Variants in ERAP1 observed in about 807,000 individuals in gnomAD.
ERAP1 encodes the protein endoplasmic reticulum aminopeptidase 1.
A neutral mutation model predicts 103.7 loss-of-function variants in ERAP1; 86 were observed. The ratio of observed to expected loss-of-function variants is 0.83; its 90% CI spans 0.70 to 0.99. The LOEUF is 0.99. Among genes scored for constraint, ERAP1 ranks in the 50% least tolerant of loss-of-function variants. The pLI is 0.00. For synonymous variants in ERAP1, 398 were observed against 402.4 expected (o/e 0.99, Z 0.13); for missense variants, 1,009 against 1,128.4 (o/e 0.89, Z 1.52).
chr5:96,807,672 G>C (rs1370204018), intron 1 of ERAP1, among the ~76,000 whole-genome samples, 188 bp downstream of exon 1: 1 of 148,942 alleles, frequency 6.7e-6, no homozygotes, highest in Admixed American at 6.6e-5. Context: ...CCTGTCTCGC[G>C]CCCCGTCGCC....
At chr5:96,883,154 T>C in the ERAP1 span, among the ~76,000 whole-genome samples, 1 of 152,188 alleles carries the variant, frequency 6.6e-6, no homozygotes, top group African/African-American at 2.4e-5. Context: ...TCCAGCTCCT[T>C]GCCTCCAGTG....
At chr5:96,835,566 C>T in the ERAP1 span, among the ~76,000 whole-genome samples, 3 of 152,090 alleles carry the variant, frequency 2.0e-5, no homozygotes, top group Non-Finnish European at 2.9e-5. Flanking sequence ...CTTTTTAAAA[C>T]AATTATTGCT....
At chr5:96,900,012 A>G in the ERAP1 span, 1 of 1,280,994 alleles carries the variant, frequency 7.8e-7, no homozygotes, top group Non-Finnish European at 1.1e-6. Context: ...TGTCTGGATG[A>G]ATTATTTCAT....
chr5:96,879,414 T>A, the ERAP1 span: 1 of 355,314 alleles, frequency 2.8e-6, no homozygotes, highest in South Asian at 5.4e-5. Flanking sequence ...AGATAACAGC[T>A]TAATTTCTGC....
upstream of ERAP1, among the ~76,000 whole-genome samples, chr5:96,811,001 G>C (rs1357454050): frequency 6.6e-6 from 1 of 152,088 alleles, no homozygotes; most frequent in Non-Finnish European, 1.5e-5. Flanking sequence ...GCTCCACCCA[G>C]TCAGCCTTGC....
the ERAP1 span, among the ~76,000 whole-genome samples, chr5:96,914,432 A>G: frequency 2.6e-5 from 4 of 152,274 alleles, no homozygotes; most frequent in African/African-American, 9.6e-5. Context: ...TGACGTCCAC[A>G]TGAGACCAAA....
At chr5:96,904,315 T>C in the ERAP1 span, among the ~76,000 whole-genome samples, 5 of 152,314 alleles carry the variant, frequency 3.3e-5, no homozygotes, top group East Asian at 1.9e-4. Context: ...AGGAAGTATA[T>C]TGTGCATTGC....
rs1198912183 is a variant in ERAP1 at position 96,776,460 on chromosome 5, C to G, written c.2762G>C (p.Trp921Ser). 1 of 1,614,140 alleles carries G rather than the reference C, an allele frequency of 6.2e-7. No homozygotes were observed. The change falls in exon 19 of 19, where the codon TGG becomes TCG. Residue 921 changes from tryptophan (W) to serine (S), a missense_variant. Physicochemically the swap from Trp to Ser is radical, Grantham distance 177. This residue lies in a region of ERAP1 where 611 missense variants were observed against 651.7 expected (regional missense o/e 0.94). Transcript: ENST00000443439. The part of the protein sequence containing the change: ...TIETIEENIG[W>S]MDKNFDKIRV... Reference sequence around the variant, plus strand: ...GATTTTATCAAAATTCTTATCCATCCAACCGATGTTTTCTTCAATGGTTTC... The same window carrying G: ...GATTTTATCAAAATTCTTATCCATCGAACCGATGTTTTCTTCAATGGTTTC...
intron 1 of ERAP1, chr5:96,804,927 G>C (rs1778400256): frequency 7.0e-6 from 1 of 143,132 alleles, no homozygotes; most frequent in Non-Finnish European, 1.5e-5. Flanking sequence ...CCTGGCAACA[G>C]AGCAAGACTC....
chr5:96,776,317 C>T lies in ERAP1; in HGVS notation c.*79G>A, dbSNP rs769411018. ...AAAGTATCTCCAGTTGGAGCCAAAACAGCCATCTCTAGTTTGAAAATACAC... is the reference window on the plus strand; with the variant it reads ...AAAGTATCTCCAGTTGGAGCCAAAATAGCCATCTCTAGTTTGAAAATACAC... On this transcript the variant is annotated 3_prime_UTR_variant, in exon 19 of 19. Coordinates refer to ENST00000443439, the MANE Select transcript of ERAP1 (RefSeq NM_001040458.3). 7 of 1,552,728 alleles carry T rather than the reference C, an allele frequency of 4.5e-6. No individual in the cohort carries two copies. The Admixed American group carries it at 9.8e-5, about 22-fold the overall frequency.
intron 11 of ERAP1, 73 bp from the exon 12 acceptor site, chr5:96,786,622 G>C: frequency 3.0e-6 from 3 of 996,284 alleles, no homozygotes; most frequent in Non-Finnish European, 4.8e-6. Flanking sequence ...CACCTATCAT[G>C]TGCCAGGCAC....
At chr5:96,762,566 T>C (rs1768380232) in exon 20 of ERAP1, 5 of 488,136 alleles carry the variant, frequency 1.0e-5, no homozygotes, top group Non-Finnish European at 3.7e-6. Flanking sequence ...TAAATGAAAC[T>C]ATATATGTGA....
At chr5:96,807,502 C>T (rs1175050329) in intron 1 of ERAP1, among the ~76,000 whole-genome samples, 2 of 152,218 alleles carry the variant, frequency 1.3e-5, no homozygotes, top group East Asian at 1.9e-4. Context: ...CTGAGGGAGG[C>T]TCCCGCCGGC....
At position 96,785,562 on chromosome 5, in the gene ERAP1, A is replaced by C. The variant is rs989734806; in HGVS notation, c.1943+226T>G. The C allele has an allele frequency of 7.3e-6, 4 of 547,644 alleles. No individual in the cohort carries two copies. In the African/African-American group the frequency reaches 7.6e-5, roughly 10 times the overall value. The allele number at this position is 547,644 out of a possible 1,614,324, so 33.9% of individuals were successfully genotyped here. On this transcript the variant is annotated intron_variant, in intron 13 of 18. Coordinates refer to ENST00000443439, the MANE Select transcript of ERAP1 (RefSeq NM_001040458.3). ...CGCCTCAGTATGATCTGAATTATTA[A>C]TGAGAAAGATTAAGATACAGATTCC...
the ERAP1 span, among the ~76,000 whole-genome samples, chr5:96,874,166 G>C: frequency 2.1e-5 from 2 of 93,742 alleles, no homozygotes; most frequent in Non-Finnish European, 4.4e-5. Context: ...AAGAAAGAAA[G>C]AAAGAAAGAA....
chr5:96,866,557 A>T, the ERAP1 span, among the ~76,000 whole-genome samples: 1 of 152,196 alleles, frequency 6.6e-6, no homozygotes, highest in Non-Finnish European at 1.5e-5. Context: ...CCAGGGCCTG[A>T]GTTGTTTTTC....
chr5:96,856,971 T>C, the ERAP1 span, among the ~76,000 whole-genome samples: 2 of 152,230 alleles, frequency 1.3e-5, no homozygotes, highest in African/African-American at 2.4e-5. Flanking sequence ...CCTGATGCCC[T>C]CAGTTGGGCT....
At chr5:96,874,140 A>G in the ERAP1 span, among the ~76,000 whole-genome samples, 14 of 91,568 alleles carry the variant, frequency 1.5e-4, no homozygotes, top group East Asian at 1.6e-3. Context: ...GAGAGAGAGA[A>G]AGAAAGAAAG....
the ERAP1 span, among the ~76,000 whole-genome samples, chr5:96,860,503 C>T: frequency 6.6e-6 from 1 of 152,138 alleles, no homozygotes; most frequent in African/African-American, 2.4e-5. Flanking sequence ...ACTAGTCTTA[C>T]ATTCATTCAA....
Sources: gnomAD v4.1 joint callset for allele counts (sites outside exome capture counted in the v4.1 genomes callset) on GRCh38, gnomAD v4.1.1 for gene constraint, gnomAD v4.1.1 regional missense constraint, MANE v1.5 for transcripts, NCBI Gene and HGNC (gene_info 2026-07-23, HGNC 2026-07-21) for gene names.